The following ALOX5AP variants were observed in gnomAD, a reference collection of about 807,000 sequenced individuals.
ALOX5AP encodes the protein arachidonate 5-lipoxygenase activating protein, also known as arachidonate 5-lipoxygenase-activating protein.
ALOX5AP carries 9 observed loss-of-function variants against 18.5 expected under a neutral mutation model. The observed-to-expected ratio is 0.49, with a 90% CI of 0.29 to 0.85. The LOEUF (loss-of-function observed/expected upper bound fraction) is 0.85, where lower values mean the gene tolerates loss of function less well. ALOX5AP is among the 40% of genes least tolerant of loss of function. The pLI is 0.08. For missense variants in ALOX5AP, 172 were observed against 202.5 expected (o/e 0.85, Z 0.91); for synonymous variants, 81 against 78.6 (o/e 1.03, Z -0.16).
intron 2 of ALOX5AP, among the ~76,000 whole-genome samples, chr13:30,749,541 T>C (rs566068160): frequency 1.3e-5 from 2 of 152,334 alleles, no homozygotes; most frequent in Non-Finnish European, 2.9e-5. Flanking sequence ...AGAATAGATG[T>C]GATGCCAGTG....
upstream of ALOX5AP, among the ~76,000 whole-genome samples, chr13:30,735,014 G>A (rs12877064): frequency 0.016 from 2,347 of 148,700 alleles, 35 homozygotes; most frequent in Non-Finnish European, 0.022. Context: ...TTGTGTGTGC[G>A]TGTGTGTGTG....
upstream of ALOX5AP, among the ~76,000 whole-genome samples, chr13:30,732,532 C>G (rs1214333804): frequency 1.3e-5 from 2 of 152,184 alleles, no homozygotes; most frequent in Non-Finnish European, 2.9e-5. Context: ...TAGTCAGTCC[C>G]CCTCTGCCAC....
intron 1 of ALOX5AP, among the ~76,000 whole-genome samples, chr13:30,726,951 A>C (rs541835426): frequency 1.3e-5 from 2 of 152,316 alleles, no homozygotes; most frequent in African/African-American, 4.8e-5. Context: ...AATGCGACTT[A>C]GTTACAAGCA....
At chr13:30,714,530 G>A (rs1951534366) in intron 1 of ALOX5AP, among the ~76,000 whole-genome samples, 1 of 145,940 alleles carries the variant, frequency 6.9e-6, no homozygotes, top group African/African-American at 2.5e-5. Context: ...GCATTCCTCT[G>A]GCTCCTGCCC....
At chr13:30,755,352 G>A (rs1445657567) in intron 3 of ALOX5AP, among the ~76,000 whole-genome samples, 4 of 152,210 alleles carry the variant, frequency 2.6e-5, no homozygotes, top group Middle Eastern at 3.2e-3. Context: ...TCAGAGCTGG[G>A]TTTGGGGTTT....
chr13:30,744,190 T>G (rs1951790154), intron 2 of ALOX5AP, 31 bp downstream of exon 2: 1 of 1,594,328 alleles, frequency 6.3e-7, no homozygotes, highest in Non-Finnish European at 8.6e-7. Flanking sequence ...TGCTAATAAG[T>G]GGGGGCATGG....
At chr13:30,723,624 T>C (rs1951611767) in intron 1 of ALOX5AP, among the ~76,000 whole-genome samples, 1 of 152,256 alleles carries the variant, frequency 6.6e-6, no homozygotes, top group Non-Finnish European at 1.5e-5. Context: ...GGACATCCTC[T>C]AATCCATACA....
At chr13:30,739,486 G>A (rs1368079587) in intron 1 of ALOX5AP, among the ~76,000 whole-genome samples, 1 of 152,232 alleles carries the variant, frequency 6.6e-6, no homozygotes, top group Non-Finnish European at 1.5e-5. Context: ...CCAGGCTGGA[G>A]TGCAGTAGCG....
rs1435024429 is a variant in ALOX5AP at position 30,735,565 on chromosome 13, C to T, written c.-41C>T. On this transcript the variant is annotated 5_prime_UTR_variant, in exon 1 of 5. Coordinates refer to ENST00000380490, the MANE Select transcript of ALOX5AP (RefSeq NM_001629.4). The stretch of plus-strand genomic sequence containing the variant: ...TTCCTGTACAGGGCAGGTTGTGCAG[C>T]TGGAGGCAGAGCAGTCCTCTCTGGG... 1 of 1,612,708 alleles carries T rather than the reference C, an allele frequency of 6.2e-7. No individual in the cohort carries two copies. Among genetic ancestry groups the T allele is most frequent in the African/African-American group, 1.3e-5 (1 of 74,822 alleles).
intron 1 of ALOX5AP, among the ~76,000 whole-genome samples, chr13:30,743,778 G>C (rs1472619634): frequency 6.6e-6 from 1 of 152,108 alleles, no homozygotes; most frequent in African/African-American, 2.4e-5. Context: ...TCACTTTGCT[G>C]TGTGGAATGT....
intron 1 of ALOX5AP, among the ~76,000 whole-genome samples, chr13:30,722,395 C>T (rs116409748): frequency 0.017 from 2,557 of 152,288 alleles, 72 homozygotes; most frequent in African/African-American, 0.058. Context: ...TGAGAGCTTA[C>T]GTGTTTAAGC....
chr13:30,759,377 G>A (rs1271980512), intron 4 of ALOX5AP, among the ~76,000 whole-genome samples: 2 of 152,066 alleles, frequency 1.3e-5, no homozygotes, highest in Non-Finnish European at 2.9e-5. Flanking sequence ...ATGAACTCAG[G>A]TTACCCCACT....
chr13:30,759,158 T>A (rs1301676817), intron 4 of ALOX5AP, among the ~76,000 whole-genome samples: 1 of 152,138 alleles, frequency 6.6e-6, no homozygotes, highest in Non-Finnish European at 1.5e-5. Flanking sequence ...TTTAAGCTAT[T>A]ACCTGGGCCT....
chr13:30,727,428 T>A (rs886980837), intron 1 of ALOX5AP, among the ~76,000 whole-genome samples: 6 of 152,182 alleles, frequency 3.9e-5, no homozygotes, highest in African/African-American at 1.4e-4. Flanking sequence ...CCCTGGTAGA[T>A]GTGTATTGTG....
Position 30,723,510 on chromosome 13 carries a change from G to GTA in ALOX5AP, c.116+9670_116+9671dup, listed in dbSNP as rs1418901032. The stretch of plus-strand genomic sequence containing the variant: ...AAGGGATATATAATAAAGTATTTGT[G>GTA]TACTTGACTTGGCTCTAAAGGAAGC... On this transcript the variant is annotated intron_variant, in intron 1 of 5. Transcript: ENST00000617770. Among the ~76,000 whole-genome samples, 17 of 152,306 alleles carry GTA rather than the reference G, an allele frequency of 1.1e-4. 1 individual carries two copies. The highest frequency in any genetic ancestry group is 4.1e-4 in the African/African-American group (17 of 41,568).
At chr13:30,763,555 C>T (rs969572432) in intron 4 of ALOX5AP, among the ~76,000 whole-genome samples, 6 of 152,156 alleles carry the variant, frequency 3.9e-5, no homozygotes, top group African/African-American at 1.2e-4. Flanking sequence ...ACGTGTCTGT[C>T]GTTATGGGCA....
At chr13:30,714,732 A>G (rs1286808022) in intron 1 of ALOX5AP, among the ~76,000 whole-genome samples, 1 of 152,172 alleles carries the variant, frequency 6.6e-6, no homozygotes, top group Non-Finnish European at 1.5e-5. Flanking sequence ...GGGCATCTGT[A>G]GCCTCTGAGA....
chr13:30,744,562 C>A (rs747554806), intron 2 of ALOX5AP, among the ~76,000 whole-genome samples: 1 of 152,194 alleles, frequency 6.6e-6, no homozygotes, highest in African/African-American at 2.4e-5. Context: ...CTTCAACTCA[C>A]CCACCCCTTG....
chr13:30,743,763 A>C (rs1951786129), intron 1 of ALOX5AP, among the ~76,000 whole-genome samples: 1 of 152,006 alleles, frequency 6.6e-6, no homozygotes, highest in African/African-American at 2.4e-5. Flanking sequence ...TCATCTTGGC[A>C]TGACTCACTT....
Sources: allele counts gnomAD v4.1 joint callset (sites outside exome capture counted in the v4.1 genomes callset), GRCh38; gene constraint gnomAD v4.1.1; transcripts MANE v1.5; gene names NCBI Gene and HGNC (gene_info 2026-07-23, HGNC 2026-07-21).